Variants in TLE3 observed in about 807,000 individuals in gnomAD.
The protein encoded by TLE3 is transducin-like enhancer protein 3.
A neutral mutation model predicts 93.0 loss-of-function variants in TLE3; 14 were observed. That is an observed-to-expected ratio of 0.15 (90% CI 0.10 to 0.24). The LOEUF (loss-of-function observed/expected upper bound fraction) is 0.24. Ranked by LOEUF, TLE3 falls within the 10% of genes least tolerant of loss-of-function variation. The probability of loss-of-function intolerance (pLI) is 1.00; values close to 1 mark genes in which losing one functional copy is unlikely to be tolerated. For missense variants in TLE3, 693 were observed against 1,046.6 expected (o/e 0.66, Z 4.66); for synonymous variants, 451 against 425.0 (o/e 1.06, Z -0.75).
Position 70,054,471 on chromosome 15 carries a change from G to A in TLE3, c.1793C>T (p.Ala598Val). 1 of 1,614,026 alleles carries A rather than the reference G, an allele frequency of 6.2e-7. No homozygotes were observed. The highest frequency in any genetic ancestry group is 8.5e-7 in the Non-Finnish European group (1 of 1,179,880). Reference protein sequence around the residue: ...CFSCCSDGNIAVWDLHNQTLV... With the variant: ...CFSCCSDGNIVVWDLHNQTLV... ...GGTCTGGTTGTGCAGGTCCCAGACA[G>A]CAATGTTCCCATCGCTGCAGCAGGA... is the stretch of plus-strand genomic sequence containing the variant. Residue 598 changes from alanine (A) to valine (V), a missense_variant, in exon 16 of 20, where the codon GCT becomes GTT. Transcript: ENST00000451782.
In TLE3 at chr15:70,060,810, G is replaced by A. The variant is rs574008096; in HGVS notation, c.595-161C>T. ...TCGTGGCTCCATCAGAGCCTTGCCA[G>A]GGAAGCCTTCCCCACTCCCCTGAGA... On this transcript the variant is annotated intron_variant, in intron 8 of 19. Coordinates refer to ENST00000451782, the MANE Select transcript of TLE3 (RefSeq NM_001105192.3). The A allele has an allele frequency of 3.1e-6, 4 of 1,289,206 alleles. No individual in the cohort carries two copies. The African/African-American group carries it at 5.9e-5, about 19-fold the overall frequency. The allele number at this position is 1,289,206 out of a possible 1,614,324, so 79.9% of individuals were successfully genotyped here. A position where few individuals can be genotyped will look rare whatever the true frequency, so the allele number is the denominator to read the frequency against.
intron 4 of TLE3, chr15:70,079,409 C>G: frequency 2.2e-6 from 1 of 447,706 alleles, no homozygotes; most frequent in Non-Finnish European, 4.4e-6. Context: ...TTGGGAGAAC[C>G]TCCTGGTTCA....
chr15:70,071,841 G>A (rs1318172027), intron 6 of TLE3, among the ~76,000 whole-genome samples: 5 of 152,250 alleles, frequency 3.3e-5, no homozygotes, highest in African/African-American at 1.2e-4. Context: ...CTTTTGCTCA[G>A]CCCATGGCTC....
chr15:70,080,794 G>C (rs1278822502), intron 4 of TLE3, among the ~76,000 whole-genome samples: 1 of 152,098 alleles, frequency 6.6e-6, no homozygotes, highest in Non-Finnish European at 1.5e-5. Context: ...CTTGGCCCTT[G>C]ACCCAAGACA....
chr15:70,060,898 A>G, intron 8 of TLE3: 1 of 503,552 alleles, frequency 2.0e-6, no homozygotes. Flanking sequence ...CTGCACTGCT[A>G]TTAAATAATT....
rs574917804 is a variant in TLE3 at position 70,082,413 on chromosome 15, T to C, written c.235-6255A>G. 9.2e-5 allele frequency among the ~76,000 whole-genome samples: 14 copies of C among 152,032 alleles called. No individual in the cohort carries two copies. The East Asian group carries it at 1.9e-3, about 21-fold the overall frequency. On this transcript the variant is annotated intron_variant, in intron 4 of 19. Transcript: ENST00000451782. ...CGCCATGGGCTCTGAGGGGAAGCAG[T>C]GCTACAATGTAAGAAGGGGAGGAGG...
rs2058480235 is a variant in TLE3 at position 70,094,966 on chromosome 15, T to A, written c.190-390A>T. The stretch of plus-strand genomic sequence containing the variant: ...ATGTGGAAAGCAGTGCAGGGAGCCG[T>A]GCCCTCTCACAAATGAAGATTAAAA... On this transcript the variant is annotated intron_variant, in intron 3 of 19. Transcript: ENST00000451782. Among the ~76,000 whole-genome samples the A allele has an allele frequency of 2.6e-5, 4 of 152,332 alleles. No individual in the cohort carries two copies. In the South Asian group the frequency reaches 8.3e-4, roughly 32 times the overall value.
In TLE3 at chr15:70,058,541, A is replaced by T; in HGVS notation, c.918+122T>A. The T allele has an allele frequency of 7.1e-7, 1 of 1,402,498 alleles. No homozygotes were observed. The allele number at this position is 1,402,498 out of a possible 1,614,324, so 86.9% of individuals were successfully genotyped here. On this transcript the variant is annotated intron_variant, in intron 11 of 19. Coordinates refer to ENST00000451782, the MANE Select transcript of TLE3 (RefSeq NM_001105192.3). This position sits in a 1 kb window ranked among gnomAD's most constrained non-coding sequence, Gnocchi z 4.1. ...CACAGGCCCAGCAGGCACAGAAGGT[A>T]AACCGGGGCCAATCACCCACCCAGC... is the stretch of plus-strand genomic sequence containing the variant.
intron 6 of TLE3, among the ~76,000 whole-genome samples, chr15:70,074,251 G>T (rs2057330113): frequency 6.6e-6 from 1 of 152,220 alleles, no homozygotes; most frequent in African/African-American, 2.4e-5. Context: ...CTCCTCAATG[G>T]CAAGGACACC....
intron 19 of TLE3, 24 bp from the exon 20 acceptor site, chr15:70,050,228 G>A (rs1309189673): frequency 1.9e-6 from 3 of 1,582,108 alleles, no homozygotes; most frequent in African/African-American, 2.7e-5. Context: ...ACGAGGAGAA[G>A]CAGCAGGAAG....
chr15:70,096,088 C>T (rs2058544542), intron 2 of TLE3, 73 bp downstream of exon 2: 2 of 1,474,726 alleles, frequency 1.4e-6, no homozygotes, highest in Non-Finnish European at 1.8e-6. Flanking sequence ...TCCGTCCCCG[C>T]GGGGGATGGC....
chr15:70,097,683 C>G lies in TLE3; in HGVS notation c.-885G>C, dbSNP rs1020418287. The G allele has an allele frequency of 7.6e-6, 3 of 397,004 alleles. No individual in the cohort carries two copies. The highest frequency in any genetic ancestry group is 4.4e-6 in the Non-Finnish European group (1 of 224,912). The allele number at this position is 397,004 out of a possible 1,614,324, so 24.6% of individuals were successfully genotyped here. ...AGGCAGGAGAGCGCTGGAGGGGAGACGCAGCCCGAGACCGGGGAGCTCTAC... is the reference window on the plus strand; with the variant it reads ...AGGCAGGAGAGCGCTGGAGGGGAGAGGCAGCCCGAGACCGGGGAGCTCTAC... On this transcript the variant is annotated 5_prime_UTR_variant, in exon 1 of 20. Transcript: ENST00000451782.
intron 6 of TLE3, among the ~76,000 whole-genome samples, chr15:70,073,203 G>T (rs1244162773): frequency 6.6e-6 from 1 of 152,168 alleles, no homozygotes; most frequent in Non-Finnish European, 1.5e-5. Context: ...AGCATTCCTG[G>T]TAGGAGTCAG....
chr15:70,070,124 C>T (rs1460718250), intron 6 of TLE3, among the ~76,000 whole-genome samples: 3 of 152,240 alleles, frequency 2.0e-5, no homozygotes, highest in Non-Finnish European at 4.4e-5. Flanking sequence ...ATCCCTAACC[C>T]CAAAGAGGCG....
At position 70,054,696 on chromosome 15, in the gene TLE3, A is replaced by G. The variant is rs368650003; in HGVS notation, c.1579-11T>C. The G allele has an allele frequency of 1.3e-6, 2 of 1,573,726 alleles. No individual in the cohort carries two copies. Among genetic ancestry groups the G allele is most frequent in the African/African-American group, 2.7e-5 (2 of 74,180 alleles). On this transcript the variant is annotated splice_polypyrimidine_tract_variant and intron_variant, in intron 15 of 19. Transcript: ENST00000451782. ...GTAATTGTCCCTGTTCTGGAGGGAG[A>G]AGGGGCAGGGCTGAGTGCTGCCTAC...
chr15:70,096,959 G>A lies in TLE3; in HGVS notation c.-161C>T. Reference sequence around the variant, plus strand: ...GTTCTCGCAGCGAAATCCCAGAGTCGGGCGCCCGCCCCAAGTGGAGACAAA... The same window carrying A: ...GTTCTCGCAGCGAAATCCCAGAGTCAGGCGCCCGCCCCAAGTGGAGACAAA... On this transcript the variant is annotated 5_prime_UTR_variant, in exon 1 of 20. Coordinates refer to ENST00000451782, the MANE Select transcript of TLE3 (RefSeq NM_001105192.3). The A allele has an allele frequency of 1.2e-6, 1 of 845,060 alleles. No individual in the cohort carries two copies. The highest frequency in any genetic ancestry group is 1.9e-6 in the Non-Finnish European group (1 of 531,714). 52.3% of individuals were successfully genotyped at this position (845,060 alleles called of 1,614,324 possible).
chr15:70,094,578 T>C lies in TLE3; in HGVS notation c.190-2A>G. 6.4e-7 allele frequency: 1 copy of C among 1,550,490 alleles called. No individual in the cohort carries two copies. Among genetic ancestry groups the C allele is most frequent in the Non-Finnish European group, 8.7e-7 (1 of 1,147,756 alleles). ...CAAGCCATAGGACATCTCATAGTAC[T>C]AAAAGTAAAAAGAATGGCTATTAAC... On this transcript the variant is annotated splice_acceptor_variant, in intron 3 of 19. Coordinates refer to ENST00000451782, the MANE Select transcript of TLE3 (RefSeq NM_001105192.3). LOFTEE classifies it high-confidence loss of function.
intron 19 of TLE3, chr15:70,051,160 G>T: frequency 2.5e-6 from 1 of 397,576 alleles, no homozygotes; most frequent in Admixed American, 4.2e-5. Flanking sequence ...CCTTGCCCTC[G>T]GGGGTCAGAA....
At chr15:70,066,883 C>A (rs901458701) in intron 6 of TLE3, 2 of 372,486 alleles carry the variant, frequency 5.4e-6, no homozygotes, top group East Asian at 1.7e-4. Flanking sequence ...CTGGCACTTC[C>A]TAGCTGTGTG....
Sources: gnomAD v4.1 joint callset for allele counts (sites outside exome capture counted in the v4.1 genomes callset) on GRCh38, gnomAD v4.1.1 for gene constraint, Gnocchi (gnomAD v3.1) non-coding constraint, MANE v1.5 for transcripts, NCBI Gene and HGNC (gene_info 2026-07-23, HGNC 2026-07-21) for gene names.